The following METTL18 variants were observed in gnomAD, a reference collection of about 807,000 sequenced individuals.
METTL18 encodes histidine protein methyltransferase 1 homolog.
Under a neutral mutation model 19.6 loss-of-function variants are expected in METTL18, and 15 were observed. That is an observed-to-expected ratio of 0.77 (90% CI 0.51 to 1.18). The LOEUF is 1.18. Ranked by LOEUF, METTL18 falls within the 50% of genes most tolerant of loss-of-function variation. The pLI is 0.00. For synonymous variants in METTL18, 131 were observed against 145.2 expected (o/e 0.90, Z 0.70); for missense variants, 392 against 418.8 (o/e 0.94, Z 0.56).
chr1:169,792,660 C>A lies in METTL18; in HGVS notation c.1036G>T (p.Val346Phe), dbSNP rs1258367672. Residue 346 changes from valine to phenylalanine, a missense_variant, in exon 2 of 2, where the codon GTT (valine) becomes TTT (phenylalanine). By Grantham distance (50) the Val-to-Phe change is conservative. Coordinates refer to ENST00000310392, the MANE Select transcript of METTL18 (RefSeq NM_033418.4). ...ATTTTGAGTATTCTGGTCTTAAAAACATCTCTTTCTTCTACAAACTTCTGA... is the reference window on the plus strand; with the variant it reads ...ATTTTGAGTATTCTGGTCTTAAAAAAATCTCTTTCTTCTACAAACTTCTGA... Reference protein sequence around the residue: ...LFQKFVEERDVFKTRILKIID... With the variant: ...LFQKFVEERDFFKTRILKIID... The A allele has an allele frequency of 3.1e-6, 5 of 1,611,608 alleles. No homozygotes were observed. The African/African-American group carries it at 6.7e-5, about 22-fold the overall frequency.
chr1:169,794,797 G>C lies in METTL18; in HGVS notation c.-203+18C>G. 1 of 334,286 alleles carries C rather than the reference G, an allele frequency of 3.0e-6. No homozygotes were observed. Among genetic ancestry groups the C allele is most frequent in the South Asian group, 3.4e-5 (1 of 29,484 alleles). The allele number at this position is 334,286 out of a possible 1,614,324, so 20.7% of individuals were successfully genotyped here. A position where few individuals can be genotyped will look rare whatever the true frequency, so the allele number is the denominator to read the frequency against. On this transcript the variant is annotated intron_variant, in intron 1 of 1. Coordinates refer to ENST00000310392, the MANE Select transcript of METTL18 (RefSeq NM_033418.4). ...CCTCACCTCCCCATTTGAATGTAAT[G>C]TTTACAGTGATCCAGACCTGGGGAT...
In METTL18 at chr1:169,793,232, G is replaced by C. The variant is rs367854228; in HGVS notation, c.464C>G (p.Ser155Cys). Residue 155 changes from serine to cysteine, a missense_variant, in exon 2 of 2, where the codon TCT (serine) becomes TGT (cysteine). Physicochemically the swap from Ser to Cys is moderately radical, Grantham distance 112 (BLOSUM62 -1). Coordinates refer to ENST00000310392, the MANE Select transcript of METTL18 (RefSeq NM_033418.4). ...NIVSKSFSSH[S>C]DLITGVYEGG... ...CTCATAAACACCTGTAATCAGATCA[G>C]AGTGAGAAGAAAAGCTTTTTGAAAC... The C allele has an allele frequency of 1.2e-6, 2 of 1,614,186 alleles. No individual in the cohort carries two copies. Among genetic ancestry groups the C allele is most frequent in the South Asian group, 2.2e-5 (2 of 91,080 alleles).
rs1462916158 is a variant in METTL18, at chr1:169,793,223, A to G, written c.473T>C (p.Ile158Thr). Residue 158 changes from isoleucine to threonine, a missense_variant, in exon 2 of 2, where the codon ATT (isoleucine) becomes ACT (threonine). By Grantham distance (89) the Ile-to-Thr change is moderately conservative. Coordinates refer to ENST00000310392, the MANE Select transcript of METTL18 (RefSeq NM_033418.4). Reference sequence around the variant, plus strand: ...TAAGCCTCCCTCATAAACACCTGTAATCAGATCAGAGTGAGAAGAAAAGCT... The same window carrying G: ...TAAGCCTCCCTCATAAACACCTGTAGTCAGATCAGAGTGAGAAGAAAAGCT... ...SKSFSSHSDLITGVYEGGLKI... is the reference protein window; with the variant it reads ...SKSFSSHSDLTTGVYEGGLKI... 2 of 1,614,094 alleles carry G rather than the reference A, an allele frequency of 1.2e-6. No homozygotes were observed. The highest frequency in any genetic ancestry group is 1.7e-5 in the Admixed American group (1 of 60,008).
chr1:169,792,673 T>C lies in METTL18; in HGVS notation c.1023A>G (p.Val341=), dbSNP rs1316720049. 1.9e-6 allele frequency: 3 copies of C among 1,613,044 alleles called. No individual in the cohort carries two copies. Among genetic ancestry groups the C allele is most frequent in the South Asian group, 2.2e-5 (2 of 90,688 alleles). The change falls in exon 2 of 2, where the codon GTA becomes GTG. Residue 341 remains valine, a synonymous_variant. Transcript: ENST00000310392. The part of the protein sequence containing the change: ...GGGVHLFQKF[V]EERDVFKTRI... ...TGGTCTTAAAAACATCTCTTTCTTC[T>C]ACAAACTTCTGAAAGAGATGAACAC...
intron 1 of METTL18, among the ~76,000 whole-genome samples, chr1:169,794,320 G>C (rs1206796352): frequency 2.0e-5 from 3 of 152,176 alleles, no homozygotes; most frequent in African/African-American, 7.2e-5. Context: ...TGGTAAGTCA[G>C]CGTCCCTTTA....
In METTL18 at chr1:169,793,018, T is replaced by G; in HGVS notation, c.678A>C (p.Val226=). The change falls in exon 2 of 2, where the codon GTA becomes GTC. Residue 226 remains valine, a synonymous_variant. Coordinates refer to ENST00000310392, the MANE Select transcript of METTL18 (RefSeq NM_033418.4). ...AGTTAGCTACTACATTAGGTAAGGTTACTTCATCAATCACCATACTGTTAT... is the reference window on the plus strand; with the variant it reads ...AGTTAGCTACTACATTAGGTAAGGTGACTTCATCAATCACCATACTGTTAT... ...QDYNSMVIDE[V]TLPNVVANST... 1 of 1,614,178 alleles carries G rather than the reference T, an allele frequency of 6.2e-7. No homozygotes were observed. Among genetic ancestry groups the G allele is most frequent in the Non-Finnish European group, 8.5e-7 (1 of 1,180,014 alleles).
At position 169,792,710 on chromosome 1, in the gene METTL18, C is replaced by T; in HGVS notation, c.986G>A (p.Gly329Asp). ...AAAGAGATGAACACCTCCACCTACA[C>T]CAAAATAATGTGCTTTGCTGGCCAA... ...VLLASKAHYF[G>D]VGGGVHLFQK... The change falls in exon 2 of 2, where the codon GGT becomes GAT. Residue 329 changes from glycine (G) to aspartate (D), a missense_variant. Transcript: ENST00000310392. 1 of 1,613,940 alleles carries T rather than the reference C, an allele frequency of 6.2e-7. No individual in the cohort carries two copies. The highest frequency in any genetic ancestry group is 8.5e-7 in the Non-Finnish European group (1 of 1,179,958).
chr1:169,793,370 A>G lies in METTL18; in HGVS notation c.326T>C (p.Leu109Ser), dbSNP rs1340528648. The G allele has an allele frequency of 6.2e-7, 1 of 1,614,078 alleles. No individual in the cohort carries two copies. The highest frequency in any genetic ancestry group is 8.5e-7 in the Non-Finnish European group (1 of 1,180,044). ...AAKEHAMPKDLKKMLENKVIE... is the reference protein window; with the variant it reads ...AAKEHAMPKDSKKMLENKVIE... ...GACTTTATTTTCTAACATCTTCTTTAAATCTTTAGGCATAGCATGCTCTTT... is the reference window on the plus strand; with the variant it reads ...GACTTTATTTTCTAACATCTTCTTTGAATCTTTAGGCATAGCATGCTCTTT... Residue 109 changes from leucine (L) to serine (S), a missense_variant, in exon 2 of 2, where the codon TTA becomes TCA. Physicochemically the swap from Leu to Ser is moderately radical, Grantham distance 145 (BLOSUM62 -2). Transcript: ENST00000310392.
At position 169,793,486 on chromosome 1, in the gene METTL18, A is replaced by G. The variant is rs776918097; in HGVS notation, c.210T>C (p.Ala70=). ...LWEHKSMENA[A]PSQDTDSPLS... ...GTGGACTGTCTGTGTCTTGAGAGGGAGCTGCATTTTCCATTGACTTATGTT... is the reference window on the plus strand; with the variant it reads ...GTGGACTGTCTGTGTCTTGAGAGGGGGCTGCATTTTCCATTGACTTATGTT... The change falls in exon 2 of 2, where the codon GCT becomes GCC. Residue 70 remains alanine, a synonymous_variant. Coordinates refer to ENST00000310392, the MANE Select transcript of METTL18 (RefSeq NM_033418.4). 1.3e-5 allele frequency: 21 copies of G among 1,613,936 alleles called. No individual in the cohort carries two copies. In the Admixed American group the frequency reaches 2.3e-4, roughly 18 times the overall value.
Sources: allele counts gnomAD v4.1 joint callset (sites outside exome capture counted in the v4.1 genomes callset), GRCh38; gene constraint gnomAD v4.1.1; transcripts MANE v1.5; gene names NCBI Gene and HGNC (gene_info 2026-07-23, HGNC 2026-07-21).